The following CNNM1 variants were observed in gnomAD, a reference collection of about 807,000 sequenced individuals.
CNNM1 encodes the protein metal transporter CNNM1.
Under a neutral mutation model 78.8 loss-of-function variants are expected in CNNM1, and 44 were observed. That is an observed-to-expected ratio of 0.56 (90% CI 0.44 to 0.72). The LOEUF (loss-of-function observed/expected upper bound fraction) is 0.72, where lower values mean the gene tolerates loss of function less well. CNNM1 is among the 30% of genes least tolerant of loss of function. The pLI is 0.00. For synonymous variants in CNNM1, 584 were observed against 581.5 expected (o/e 1.00, Z -0.06); for missense variants, 1,101 against 1,292.2 (o/e 0.85, Z 2.27).
In CNNM1 at chr10:99,393,584, G is replaced by A. The variant is rs1034953432; in HGVS notation, c.*2068G>A. On this transcript the variant is annotated 3_prime_UTR_variant, in exon 11 of 11. Transcript: ENST00000356713. The stretch of plus-strand genomic sequence containing the variant: ...CAGCCCAGCGTTTCTGCAATGCAGA[G>A]TGAAGTGGATACTGGGCAGTTCGAG... 6.6e-6 allele frequency: 1 copy of A among 152,584 alleles called. No homozygotes were observed. The highest frequency in any genetic ancestry group is 2.4e-5 in the African/African-American group (1 of 41,440). 9.5% of individuals were successfully genotyped at this position (152,584 alleles called of 1,614,324 possible).
intron 1 of CNNM1, among the ~76,000 whole-genome samples, chr10:99,339,346 A>G (rs1279977256): frequency 6.6e-6 from 1 of 152,230 alleles, no homozygotes; most frequent in Non-Finnish European, 1.5e-5. Context: ...AGCTAAAAAT[A>G]TCCTCTTCCA....
At chr10:99,376,010 T>C (rs554739284) in intron 6 of CNNM1, among the ~76,000 whole-genome samples, 14 of 152,310 alleles carry the variant, frequency 9.2e-5, no homozygotes, top group African/African-American at 3.4e-4. Context: ...TTCTTTAAAA[T>C]GTGAAAAGAA....
At chr10:99,357,481 A>T (rs776765602) in intron 1 of CNNM1, 31 bp from the exon 2 acceptor site, 1 of 1,600,330 alleles carries the variant, frequency 6.2e-7, no homozygotes, top group African/African-American at 1.3e-5. Flanking sequence ...AATGTCCCCG[A>T]TACTTAACTG....
In CNNM1 at chr10:99,330,044, G is replaced by C; in HGVS notation, c.657G>C (p.Leu219=). The change falls in exon 1 of 11, where the codon CTG becomes CTC. Residue 219 remains leucine, a synonymous_variant. Transcript: ENST00000356713. The stretch of plus-strand genomic sequence containing the variant: ...TGTACGGCCCAGGCGGGGACCTGCT[G>C]CCCCCTGCGTGGCTGCGGGCGCTCG... The part of the protein sequence containing the change: ...PRLYGPGGDL[L]PPAWLRALGA... The C allele has an allele frequency of 6.6e-7, 1 of 1,504,218 alleles. No individual in the cohort carries two copies. Among genetic ancestry groups the C allele is most frequent in the East Asian group, 2.7e-5 (1 of 37,322 alleles). The allele number at this position is 1,504,218 out of a possible 1,614,324, so 93.2% of individuals were successfully genotyped here.
At chr10:99,356,558 C>CAGAAAGAAAGAAAAGAAA (rs1355245134) in intron 1 of CNNM1, among the ~76,000 whole-genome samples, 1 of 45,750 alleles carries the variant, frequency 2.2e-5, no homozygotes. Flanking sequence ...GACAGACAGA[C>CAGAAAGAAAGAAAAGAAA]AGACAGAAAG....
At chr10:99,341,026 C>T (rs901701170) in intron 1 of CNNM1, among the ~76,000 whole-genome samples, 1 of 151,960 alleles carries the variant, frequency 6.6e-6, no homozygotes, top group Non-Finnish European at 1.5e-5. Flanking sequence ...CGACACCAAG[C>T]AATAAATAAT....
intron 10 of CNNM1, 53 bp downstream of exon 10, chr10:99,390,460 G>T: frequency 7.7e-7 from 1 of 1,292,856 alleles, no homozygotes; most frequent in South Asian, 1.3e-5. Context: ...ATGGTTAGTA[G>T]GAAAAGCATG....
intron 10 of CNNM1, 71 bp from the exon 11 acceptor site, chr10:99,391,366 C>T (rs1401203188): frequency 8.2e-7 from 1 of 1,219,640 alleles, no homozygotes; most frequent in African/African-American, 1.5e-5. Flanking sequence ...TTGAAAAGAA[C>T]TCAGACTGCC....
At chr10:99,342,595 G>C (rs2030502521) in intron 1 of CNNM1, among the ~76,000 whole-genome samples, 1 of 152,042 alleles carries the variant, frequency 6.6e-6, no homozygotes. Flanking sequence ...GGCGGTTGCT[G>C]CAGGATTGGT....
At chr10:99,383,200 A>G (rs1005115394) in intron 7 of CNNM1, among the ~76,000 whole-genome samples, 2 of 152,238 alleles carry the variant, frequency 1.3e-5, no homozygotes, top group Non-Finnish European at 2.9e-5. Flanking sequence ...GGTAAGTTAA[A>G]TAATAGTGAC....
At chr10:99,386,846 G>C (rs945058401) in intron 7 of CNNM1, among the ~76,000 whole-genome samples, 5 of 152,190 alleles carry the variant, frequency 3.3e-5, no homozygotes, top group African/African-American at 7.2e-5. Context: ...AAAGGAAAGA[G>C]AAGGCAAAAT....
chr10:99,329,871 G>A lies in CNNM1; in HGVS notation c.484G>A (p.Val162Met). The A allele has an allele frequency of 7.1e-7, 1 of 1,399,442 alleles. No homozygotes were observed. Among genetic ancestry groups the A allele is most frequent in the Non-Finnish European group, 9.2e-7 (1 of 1,084,434 alleles). The allele number at this position is 1,399,442 out of a possible 1,614,324, so 86.7% of individuals were successfully genotyped here. ...CGTGGCAGGCTCGGCCCTGGTCCAGGTGCGAGTGCGGGAGCTGCGCAAGGG... is the reference window on the plus strand; with the variant it reads ...CGTGGCAGGCTCGGCCCTGGTCCAGATGCGAGTGCGGGAGCTGCGCAAGGG... ...GGVAGSALVQ[V>M]RVRELRKGEA... is the part of the protein sequence containing the mutation. The change falls in exon 1 of 11, where the codon GTG becomes ATG. Residue 162 changes from valine to methionine, a missense_variant. Physicochemically the swap from Val to Met is conservative, Grantham distance 21. Coordinates refer to ENST00000356713, the MANE Select transcript of CNNM1 (RefSeq NM_020348.3).
At chr10:99,357,780 C>A in intron 2 of CNNM1, 125 bp downstream of exon 2, 1 of 849,106 alleles carries the variant, frequency 1.2e-6, no homozygotes, top group Non-Finnish European at 1.7e-6. Context: ...GTGTGTCAGC[C>A]ACCTATGCCA....
intron 7 of CNNM1, among the ~76,000 whole-genome samples, chr10:99,383,111 C>A (rs1374861906): frequency 6.6e-6 from 1 of 152,128 alleles, no homozygotes; most frequent in Non-Finnish European, 1.5e-5. Context: ...ATGAGCTATA[C>A]TACAGAAATA....
chr10:99,353,281 G>T (rs116553833), intron 1 of CNNM1, among the ~76,000 whole-genome samples: 451 of 151,980 alleles, frequency 3.0e-3, no homozygotes, highest in African/African-American at 0.01. Context: ...TAGCATACCT[G>T]TTGCCTCTCA....
chr10:99,353,821 T>C (rs548878950), intron 1 of CNNM1, among the ~76,000 whole-genome samples: 1 of 152,336 alleles, frequency 6.6e-6, no homozygotes, highest in African/African-American at 2.4e-5. Flanking sequence ...TCTAAATAGC[T>C]TACCTAGGTA....
In CNNM1 at chr10:99,329,556, C is replaced by G; in HGVS notation, c.169C>G (p.Leu57Val). 6.5e-7 allele frequency: 1 copy of G among 1,531,878 alleles called. No individual in the cohort carries two copies. Among genetic ancestry groups the G allele is most frequent in the Non-Finnish European group, 8.7e-7 (1 of 1,151,636 alleles). The allele number at this position is 1,531,878 out of a possible 1,614,324, so 94.9% of individuals were successfully genotyped here. ...GGACACTGCTGGAGGCCGCGTGTCC[C>G]TGGAGGGGGGCACCCTGCGCGCCGC... ...PEDTAGGRVS[L>V]EGGTLRAAEG... Residue 57 changes from leucine to valine, a missense_variant, in exon 1 of 11, where the codon CTG becomes GTG. Coordinates refer to ENST00000356713, the MANE Select transcript of CNNM1 (RefSeq NM_020348.3).
intron 4 of CNNM1, among the ~76,000 whole-genome samples, chr10:99,363,186 C>A (rs2031496540): frequency 6.6e-6 from 1 of 152,216 alleles, no homozygotes; most frequent in Non-Finnish European, 1.5e-5. Flanking sequence ...TGATTAAGCT[C>A]ACATGAACTT....
intron 7 of CNNM1, among the ~76,000 whole-genome samples, chr10:99,381,211 G>T (rs1192870419): frequency 6.6e-6 from 1 of 151,890 alleles, no homozygotes; most frequent in Admixed American, 6.6e-5. Flanking sequence ...AGGAGTTTCA[G>T]ACCAGCCTGG....
Sources: gnomAD v4.1 joint callset for allele counts (sites outside exome capture counted in the v4.1 genomes callset) on GRCh38, gnomAD v4.1.1 for gene constraint, MANE v1.5 for transcripts, NCBI Gene and HGNC (gene_info 2026-07-23, HGNC 2026-07-21) for gene names.